Variants in TAFA1 observed in about 807,000 individuals in gnomAD.
TAFA1 encodes chemokine-like protein TAFA-1.
A neutral mutation model predicts 18.5 loss-of-function variants in TAFA1; 4 were observed. The ratio of observed to expected loss-of-function variants is 0.22; its 90% CI spans 0.11 to 0.49. TAFA1 has a LOEUF of 0.49. Ranked by LOEUF, TAFA1 falls within the 20% of genes least tolerant of loss-of-function variation. The pLI is 0.98. For missense variants in TAFA1, 147 were observed against 169.0 expected (o/e 0.87, Z 0.72); for synonymous variants, 56 against 55.2 (o/e 1.01, Z -0.06).
At chr3:68,145,475 A>T in intron 2 of TAFA1, 1 of 891,256 alleles carries the variant, frequency 1.1e-6, no homozygotes. Flanking sequence ...AGTTGATTCC[A>T]CCACAAGAAT....
intron 2 of TAFA1, among the ~76,000 whole-genome samples, chr3:68,363,894 A>C (rs933764214): frequency 6.6e-6 from 1 of 152,088 alleles, no homozygotes; most frequent in African/African-American, 2.4e-5. Flanking sequence ...ATAAGTTTTT[A>C]CCCATTACCT....
chr3:68,124,101 AG>A (rs2065436007), intron 2 of TAFA1, among the ~76,000 whole-genome samples: 1 of 152,124 alleles, frequency 6.6e-6, no homozygotes, highest in Non-Finnish European at 1.5e-5. Flanking sequence ...CTTCATGTAT[AG>A]AGAGTTTGAG....
intron 2 of TAFA1, among the ~76,000 whole-genome samples, chr3:68,198,623 A>G (rs116726749): frequency 0.021 from 3,165 of 151,626 alleles, 124 homozygotes; most frequent in African/African-American, 0.072. Flanking sequence ...TTCTGATGAC[A>G]TATGATCTGG....
intron 2 of TAFA1, among the ~76,000 whole-genome samples, chr3:68,394,844 C>A (rs1028688368): frequency 1.3e-5 from 2 of 152,114 alleles, no homozygotes; most frequent in Non-Finnish European, 2.9e-5. Flanking sequence ...ACCATAAAAA[C>A]TCTAGAAGAA....
chr3:68,006,871 T>C lies in TAFA1; in HGVS notation c.118+127T>C, dbSNP rs140439439. 1,123 of 682,608 alleles carry C rather than the reference T, an allele frequency of 1.6e-3. 9 individuals are homozygous for C. In the African/African-American group the frequency reaches 0.017, roughly 11 times the overall value. The allele number at this position is 682,608 out of a possible 1,614,324, so 42.3% of individuals were successfully genotyped here. A position where few individuals can be genotyped will look rare whatever the true frequency, so the allele number is the denominator to read the frequency against. ...GCTTGCCTTTGAATTCCAAGACATATTGTTGGCTGGATGCTTTGGGGGAAG... is the reference window on the plus strand; with the variant it reads ...GCTTGCCTTTGAATTCCAAGACATACTGTTGGCTGGATGCTTTGGGGGAAG... On this transcript the variant is annotated intron_variant, in intron 2 of 4. Coordinates refer to ENST00000478136, the MANE Select transcript of TAFA1 (RefSeq NM_213609.4).
intron 2 of TAFA1, among the ~76,000 whole-genome samples, chr3:68,377,380 T>A (rs886660019): frequency 6.6e-6 from 1 of 152,168 alleles, no homozygotes; most frequent in Admixed American, 6.5e-5. Context: ...GAGGAACTTA[T>A]CTGGCACTGG....
intron 2 of TAFA1, among the ~76,000 whole-genome samples, chr3:68,394,181 T>A (rs758050229): frequency 2.2e-4 from 34 of 152,126 alleles, no homozygotes; most frequent in Non-Finnish European, 2.5e-4. Context: ...AGCCAAATCA[T>A]GAGTAAACTC....
intron 2 of TAFA1, among the ~76,000 whole-genome samples, chr3:68,315,383 C>T (rs1486258583): frequency 6.6e-6 from 1 of 152,160 alleles, no homozygotes; most frequent in Non-Finnish European, 1.5e-5. Context: ...GTTCTACCTC[C>T]ATTAAGTTGT....
At chr3:68,450,387 G>A (rs1202886825) in intron 3 of TAFA1, among the ~76,000 whole-genome samples, 1 of 152,184 alleles carries the variant, frequency 6.6e-6, no homozygotes, top group Admixed American at 6.5e-5. Flanking sequence ...TTGGATTTAT[G>A]AGCCTGAAGA....
In TAFA1 at chr3:68,489,198, G is replaced by A. The variant is rs561170192; in HGVS notation, c.260-49558G>A. Among the ~76,000 whole-genome samples the A allele has an allele frequency of 8.5e-5, 13 of 152,270 alleles. No individual in the cohort carries two copies. The South Asian group carries it at 2.7e-3, about 32-fold the overall frequency. On this transcript the variant is annotated intron_variant, in intron 3 of 4. Transcript: ENST00000478136. ...CATAATACCAGGATTTGCAGACTCA[G>A]ATTGCTTTGCACCTAGGAAGGTAAA... is the stretch of plus-strand genomic sequence containing the variant.
intron 4 of TAFA1, among the ~76,000 whole-genome samples, chr3:68,541,789 T>C (rs554364522): frequency 6.6e-6 from 1 of 152,332 alleles, no homozygotes; most frequent in South Asian, 2.1e-4. Flanking sequence ...CTTCATTCTC[T>C]TTCCTATAAA....
intron 2 of TAFA1, among the ~76,000 whole-genome samples, chr3:68,397,773 C>A (rs1276175542): frequency 1.3e-5 from 2 of 152,174 alleles, no homozygotes; most frequent in Non-Finnish European, 2.9e-5. Context: ...AATTTATACT[C>A]CCACCAACAG....
At chr3:67,998,257 G>A in the TAFA1 span, among the ~76,000 whole-genome samples, 2 of 152,094 alleles carry the variant, frequency 1.3e-5, no homozygotes, top group Admixed American at 6.6e-5. Context: ...TATTTTATAC[G>A]TAGGAAGAAA....
At chr3:68,122,254 T>C (rs1448487709) in intron 2 of TAFA1, among the ~76,000 whole-genome samples, 1 of 152,146 alleles carries the variant, frequency 6.6e-6, no homozygotes, top group East Asian at 1.9e-4. Context: ...ATTTTGAGTA[T>C]TTCCCATTCC....
chr3:68,044,074 A>G (rs1186741033), intron 2 of TAFA1, among the ~76,000 whole-genome samples: 1 of 152,164 alleles, frequency 6.6e-6, no homozygotes, highest in East Asian at 1.9e-4. Context: ...CAAGTCTGGT[A>G]CCATGTTTCA....
intron 3 of TAFA1, among the ~76,000 whole-genome samples, chr3:68,537,704 ACAGCCGTCT>A (rs749967071): frequency 5.3e-5 from 8 of 152,196 alleles, no homozygotes; most frequent in Non-Finnish European, 1.0e-4. Flanking sequence ...GACTCTCTGA[ACAGCCGTCT>A]CACACTATGT....
At chr3:68,453,308 A>G (rs2071598676) in intron 3 of TAFA1, among the ~76,000 whole-genome samples, 1 of 152,172 alleles carries the variant, frequency 6.6e-6, no homozygotes, top group African/African-American at 2.4e-5. Flanking sequence ...AATGTCTGCA[A>G]TCAGAAAATG....
intron 2 of TAFA1, among the ~76,000 whole-genome samples, chr3:68,208,688 A>G (rs1475294322): frequency 1.3e-5 from 2 of 151,818 alleles, no homozygotes; most frequent in African/African-American, 4.8e-5. Context: ...CAGGGATTTC[A>G]TCTCCCCACA....
intron 2 of TAFA1, among the ~76,000 whole-genome samples, chr3:68,057,949 G>A (rs923327850): frequency 6.6e-6 from 1 of 152,160 alleles, no homozygotes; most frequent in Non-Finnish European, 1.5e-5. Flanking sequence ...CTTAATTTAA[G>A]ACACCTGAAA....
Sources: gnomAD v4.1 joint callset for allele counts (sites outside exome capture counted in the v4.1 genomes callset) on GRCh38, gnomAD v4.1.1 for gene constraint, MANE v1.5 for transcripts, NCBI Gene and HGNC (gene_info 2026-07-23, HGNC 2026-07-21) for gene names.